Variants in RAB28 observed in about 807,000 individuals in gnomAD.
RAB28 encodes the protein ras-related protein Rab-28.
In RAB28, 24 loss-of-function variants were observed where a neutral mutation model predicts 31.7. The ratio of observed to expected loss-of-function variants is 0.76; its 90% confidence interval spans 0.55 to 1.06. The LOEUF is 1.06. RAB28 is among the 50% of genes least tolerant of loss of function. The pLI, the probability that RAB28 is intolerant of heterozygous loss-of-function variation, is 0.00. For missense variants in RAB28, 254 were observed against 258.5 expected (o/e 0.98, Z 0.12); for synonymous variants, 100 against 90.4 (o/e 1.11, Z -0.60).
chr4:13,406,722 T>A (rs901762963), intron 4 of RAB28, among the ~76,000 whole-genome samples: 5 of 152,254 alleles, frequency 3.3e-5, no homozygotes, highest in African/African-American at 1.2e-4. Context: ...TATCTCATTG[T>A]GGTTTTGATA....
At chr4:13,414,679 A>G (rs1048589731) in intron 4 of RAB28, among the ~76,000 whole-genome samples, 2 of 152,252 alleles carry the variant, frequency 1.3e-5, no homozygotes, top group African/African-American at 4.8e-5. Context: ...ATTTAAAAGC[A>G]AAGATTGTAC....
At chr4:13,483,706 A>G (rs368537935) in intron 1 of RAB28, among the ~76,000 whole-genome samples, 53 of 152,338 alleles carry the variant, frequency 3.5e-4, no homozygotes, top group African/African-American at 1.2e-3. Context: ...AGCATCAGAA[A>G]CGGTAAAGGG....
At chr4:13,416,392 C>A (rs2108915207) in intron 4 of RAB28, among the ~76,000 whole-genome samples, 1 of 152,298 alleles carries the variant, frequency 6.6e-6, no homozygotes, top group East Asian at 1.9e-4. Flanking sequence ...AAACTCCAGA[C>A]ACGCCGCCTT....
intron 4 of RAB28, among the ~76,000 whole-genome samples, chr4:13,392,303 T>A (rs1321370106): frequency 6.6e-6 from 1 of 152,188 alleles, no homozygotes; most frequent in Non-Finnish European, 1.5e-5. Flanking sequence ...ATAATTCTGA[T>A]TAAAATTACA....
chr4:13,370,289 A>G (rs953117351), intron 6 of RAB28: 23 of 963,138 alleles, frequency 2.4e-5, no homozygotes, highest in Admixed American at 1.2e-4. Flanking sequence ...TATATAACAT[A>G]TATAATGCCC....
intron 4 of RAB28, among the ~76,000 whole-genome samples, chr4:13,422,616 T>C (rs1713230459): frequency 6.6e-6 from 1 of 152,220 alleles, no homozygotes; most frequent in East Asian, 1.9e-4. Context: ...TGGACGAAGC[T>C]GGAAACCATC....
intron 3 of RAB28, among the ~76,000 whole-genome samples, chr4:13,462,444 T>C (rs954365428): frequency 2.0e-5 from 3 of 152,184 alleles, no homozygotes; most frequent in Non-Finnish European, 4.4e-5. Flanking sequence ...TGTTTTAATA[T>C]AATGTGTGAC....
intron 5 of RAB28, among the ~76,000 whole-genome samples, chr4:13,381,053 G>C (rs138330439): frequency 0.012 from 1,756 of 151,986 alleles, 13 homozygotes; most frequent in Non-Finnish European, 0.018. Flanking sequence ...CCACTTATTA[G>C]CCGTGTAATC....
intron 4 of RAB28, among the ~76,000 whole-genome samples, chr4:13,420,167 T>C (rs901821008): frequency 2.0e-5 from 3 of 152,080 alleles, no homozygotes; most frequent in Non-Finnish European, 4.4e-5. Flanking sequence ...AAGAAATGGA[T>C]ACATTCCCGG....
At chr4:13,395,478 T>C (rs1276094753) in intron 4 of RAB28, among the ~76,000 whole-genome samples, 2 of 152,074 alleles carry the variant, frequency 1.3e-5, no homozygotes, top group Non-Finnish European at 2.9e-5. Context: ...GTTAAAATTA[T>C]ATATACACTT....
chr4:13,432,980 T>C (rs537405954), intron 4 of RAB28, among the ~76,000 whole-genome samples: 7 of 148,994 alleles, frequency 4.7e-5, no homozygotes, highest in African/African-American at 1.5e-4. Context: ...GCAAATTGAA[T>C]TTAAAAAAAA....
intron 2 of RAB28, among the ~76,000 whole-genome samples, chr4:13,475,558 T>C (rs1413878293): frequency 1.3e-5 from 2 of 151,582 alleles, no homozygotes; most frequent in Non-Finnish European, 3.0e-5. Context: ...CAGCACAGTT[T>C]TCTAAATTTT....
At chr4:13,371,200 A>T in intron 6 of RAB28, 1 of 985,380 alleles carries the variant, frequency 1.0e-6, no homozygotes, top group Non-Finnish European at 1.2e-6. Flanking sequence ...TTTAGCAACA[A>T]GCAGCATTAA....
chr4:13,373,434 T>A (rs151226607), intron 6 of RAB28, among the ~76,000 whole-genome samples: 1 of 152,070 alleles, frequency 6.6e-6, no homozygotes, highest in African/African-American at 2.4e-5. Flanking sequence ...GAAAAATGGA[T>A]CTATAGTGTT....
At chr4:13,413,547 A>G (rs1028532816) in intron 4 of RAB28, among the ~76,000 whole-genome samples, 1 of 152,218 alleles carries the variant, frequency 6.6e-6, no homozygotes, top group Non-Finnish European at 1.5e-5. Context: ...CAGAGAAAAA[A>G]GCATAAAGTT....
At chr4:13,474,209 A>G (rs1184402820) in intron 3 of RAB28, 109 bp downstream of exon 3, 4 of 813,114 alleles carry the variant, frequency 4.9e-6, no homozygotes, top group Non-Finnish European at 8.6e-6. Context: ...TACGTATCAG[A>G]TAAAAAGTTA....
chr4:13,391,589 T>G (rs780022422), intron 4 of RAB28, among the ~76,000 whole-genome samples: 3 of 152,120 alleles, frequency 2.0e-5, no homozygotes, highest in Admixed American at 2.0e-4. Flanking sequence ...CACGCTACTA[T>G]AAAGACATAT....
chr4:13,400,804 G>T (rs1356461895), intron 4 of RAB28, among the ~76,000 whole-genome samples: 1 of 152,100 alleles, frequency 6.6e-6, no homozygotes, highest in Non-Finnish European at 1.5e-5. Flanking sequence ...TTTATCAAAT[G>T]CTTTTTATGT....
At chr4:13,381,343 G>A in intron 5 of RAB28, 148 bp downstream of exon 5, 1 of 538,590 alleles carries the variant, frequency 1.9e-6, no homozygotes, top group Non-Finnish European at 3.3e-6. Flanking sequence ...AATATAACCA[G>A]AATAAACATG....
Sources: gnomAD v4.1 joint callset for allele counts (sites outside exome capture counted in the v4.1 genomes callset) on GRCh38, gnomAD v4.1.1 for gene constraint, MANE v1.5 for transcripts, NCBI Gene and HGNC (gene_info 2026-07-23, HGNC 2026-07-21) for gene names.